TDRD9: variants seen among roughly 807,000 people sequenced by gnomAD.
The protein encoded by TDRD9 is tudor domain containing 9, also known as ATP-dependent RNA helicase TDRD9.
Under a neutral mutation model 172.6 loss-of-function variants are expected in TDRD9, and 124 were observed. The ratio of observed to expected loss-of-function variants is 0.72; its 90% CI spans 0.62 to 0.83. TDRD9 has a LOEUF of 0.83. TDRD9 is among the 40% of genes least tolerant of loss of function. The pLI, the probability that TDRD9 is intolerant of heterozygous loss-of-function variation, is 0.00. For synonymous variants in TDRD9, 619 were observed against 617.1 expected (o/e 1.00, Z -0.05); for missense variants, 1,479 against 1,714.1 (o/e 0.86, Z 2.42).
chr14:104,040,960 T>C (rs1420942666), intron 33 of TDRD9, among the ~76,000 whole-genome samples: 1 of 152,272 alleles, frequency 6.6e-6, no homozygotes, highest in African/African-American at 2.4e-5. Flanking sequence ...TAGTAATTTA[T>C]TTTTATTGCA....
In TDRD9 at chr14:104,031,200, A is replaced by G. The variant is rs2152251243; in HGVS notation, c.3375A>G (p.Lys1125=). 6.4e-7 allele frequency: 1 copy of G among 1,551,886 alleles called. No individual in the cohort carries two copies. Among genetic ancestry groups the G allele is most frequent in the Non-Finnish European group, 8.7e-7 (1 of 1,146,996 alleles). The change falls in exon 29 of 36, where the codon AAA becomes AAG. Residue 1125 remains lysine, a synonymous_variant. Coordinates refer to ENST00000409874, the MANE Select transcript of TDRD9 (RefSeq NM_153046.3). ...SVPFPMKDDE[K]YLIRILLESF... is the part of the protein sequence containing the mutation. ...CCTTTCCCATGAAAGACGACGAGAA[A>G]TATCTCATCCGGATTTTGTTAGAGA... is the stretch of plus-strand genomic sequence containing the variant.
At chr14:103,986,742 C>T (rs1034078573) in intron 8 of TDRD9, among the ~76,000 whole-genome samples, 3 of 152,176 alleles carry the variant, frequency 2.0e-5, no homozygotes, top group Non-Finnish European at 4.4e-5. Flanking sequence ...GATGTTCATT[C>T]ATTTAGCTGG....
chr14:103,986,339 G>T lies in TDRD9; in HGVS notation c.1115+19G>T. On this transcript the variant is annotated intron_variant, in intron 8 of 35. Transcript: ENST00000409874. ...AGAGTGGGTAAGAGATACTTCAGTT[G>T]GTAATGCACTTTAATGTATATGTGA... 1 of 1,525,912 alleles carries T rather than the reference G, an allele frequency of 6.6e-7. No homozygotes were observed. Among genetic ancestry groups the T allele is most frequent in the South Asian group, 1.2e-5 (1 of 85,308 alleles). The allele number at this position is 1,525,912 out of a possible 1,614,324, so 94.5% of individuals were successfully genotyped here.
chr14:104,003,280 T>G (rs933486747), intron 13 of TDRD9, among the ~76,000 whole-genome samples: 1 of 152,098 alleles, frequency 6.6e-6, no homozygotes, highest in African/African-American at 2.4e-5. Context: ...ATTTTTTATT[T>G]TTATTAGTAG....
chr14:103,966,803 T>A lies in TDRD9; in HGVS notation c.737T>A (p.Met246Lys), dbSNP rs982267637. 4.5e-6 allele frequency: 7 copies of A among 1,551,206 alleles called. No individual in the cohort carries two copies. In the South Asian group the frequency reaches 8.3e-5, roughly 18 times the overall value. The change falls in exon 5 of 36, where the codon ATG (methionine) becomes AAG (lysine). Residue 246 changes from methionine (M) to lysine (K), a missense_variant. Physicochemically the swap from Met to Lys is moderately conservative, Grantham distance 95 (BLOSUM62 -1). This residue lies in a region of TDRD9 where 1,413 missense variants were observed against 1,649.1 expected (regional missense o/e 0.86). Transcript: ENST00000409874. ...LQKIVSAKSL[M>K]EFTHIIIDEV... Reference sequence around the variant, plus strand: ...AAAATAGTTAGTGCCAAGAGTTTGATGGAATTCACACATATCATCATTGAT... The same window carrying A: ...AAAATAGTTAGTGCCAAGAGTTTGAAGGAATTCACACATATCATCATTGAT...
At chr14:104,005,758 C>T (rs919667449) in intron 15 of TDRD9, among the ~76,000 whole-genome samples, 3 of 152,168 alleles carry the variant, frequency 2.0e-5, no homozygotes, top group South Asian at 2.1e-4. Flanking sequence ...GGGCTGTGGA[C>T]GTTCTGCTTC....
chr14:104,039,618 G>A (rs1481434292), intron 32 of TDRD9, among the ~76,000 whole-genome samples: 1 of 152,238 alleles, frequency 6.6e-6, no homozygotes, highest in Non-Finnish European at 1.5e-5. Flanking sequence ...AATGGCAGTG[G>A]CTTGGACCAG....
At position 104,014,600 on chromosome 14, in the gene TDRD9, GC is replaced by G. The variant is rs199838781; in HGVS notation, c.2107-124del. 13 of 544,670 alleles carry G rather than the reference GC, an allele frequency of 2.4e-5. No individual in the cohort carries two copies. In the East Asian group the frequency reaches 4.1e-4, roughly 17 times the overall value. 33.7% of individuals were successfully genotyped at this position (544,670 alleles called of 1,614,324 possible). A position where few individuals can be genotyped will look rare whatever the true frequency, so the allele number is the denominator to read the frequency against. On this transcript the variant is annotated intron_variant, in intron 20 of 35. Transcript: ENST00000409874. Reference sequence around the variant, plus strand: ...ACAGCCAAAAGATGATTCTTAATTAGCTGCAGTGTTTCATTCTGTAGCTGTG... The same window carrying G: ...ACAGCCAAAAGATGATTCTTAATTAGTGCAGTGTTTCATTCTGTAGCTGTG...
In TDRD9 at chr14:104,006,051, A is replaced by T. The variant is rs1595976914; in HGVS notation, c.1714-338A>T. ...GTTAAGGAAGTTTTTCCCCATACATAGTTCAGTAAGGTTTTGTTGACAGTG... is the reference window on the plus strand; with the variant it reads ...GTTAAGGAAGTTTTTCCCCATACATTGTTCAGTAAGGTTTTGTTGACAGTG... On this transcript the variant is annotated intron_variant, in intron 15 of 35. Coordinates refer to ENST00000409874, the MANE Select transcript of TDRD9 (RefSeq NM_153046.3). Among the ~76,000 whole-genome samples, 4 of 152,242 alleles carry T rather than the reference A, an allele frequency of 2.6e-5. No individual in the cohort carries two copies. The South Asian group carries it at 8.3e-4, about 32-fold the overall frequency.
At chr14:103,966,961 T>C (rs1201075072) in intron 5 of TDRD9, 130 bp downstream of exon 5, 9 of 859,030 alleles carry the variant, frequency 1.0e-5, no homozygotes, top group Non-Finnish European at 1.5e-5. Context: ...CTTTCTGGAC[T>C]TTTCTCAGTA....
At chr14:103,941,524 C>T (rs531908180) in intron 1 of TDRD9, 1 of 1,535,296 alleles carries the variant, frequency 6.5e-7, no homozygotes, top group Non-Finnish European at 8.7e-7. Context: ...TAATCCACAC[C>T]TGTTTTTTTC....
intron 1 of TDRD9, chr14:103,942,028 G>C (rs1243243323): frequency 8.4e-6 from 2 of 239,400 alleles, no homozygotes; most frequent in Admixed American, 1.1e-4. Flanking sequence ...TATTAATGTC[G>C]GGGCAAGTGC....
intron 1 of TDRD9, chr14:103,941,283 C>T (rs2031213629): frequency 3.2e-6 from 3 of 945,332 alleles, no homozygotes; most frequent in African/African-American, 3.3e-5. Flanking sequence ...AATTGCTCAC[C>T]AGACATCTAC....
chr14:103,951,868 G>T (rs1010398592), intron 1 of TDRD9, among the ~76,000 whole-genome samples: 5 of 151,384 alleles, frequency 3.3e-5, no homozygotes, highest in East Asian at 2.0e-4. Context: ...CCGAGTTCAC[G>T]CCGTTCTCCT....
At chr14:104,011,096 C>G (rs1349394776) in intron 20 of TDRD9, among the ~76,000 whole-genome samples, 2 of 152,180 alleles carry the variant, frequency 1.3e-5, no homozygotes, top group African/African-American at 4.8e-5. Context: ...AGCTCTGTGA[C>G]GGTCTTATGG....
chr14:103,967,613 C>T (rs2032808099), intron 5 of TDRD9, among the ~76,000 whole-genome samples: 1 of 152,030 alleles, frequency 6.6e-6, no homozygotes, highest in African/African-American at 2.4e-5. Context: ...CATGGGATAA[C>T]GAATAATACA....
At chr14:104,041,891 T>C (rs1326502970) in intron 33 of TDRD9, among the ~76,000 whole-genome samples, 178 bp from the exon 34 acceptor site, 1 of 152,202 alleles carries the variant, frequency 6.6e-6, no homozygotes, top group Admixed American at 6.5e-5. Context: ...TGAATATCAA[T>C]TGCAGCTTGA....
At chr14:104,025,811 A>G (rs1448669676) in intron 26 of TDRD9, 35 bp downstream of exon 26, 3 of 1,511,806 alleles carry the variant, frequency 2.0e-6, no homozygotes, top group Admixed American at 3.4e-5. Flanking sequence ...TGGAAGGGAA[A>G]TGAGACAGAC....
In TDRD9 at chr14:103,975,291, G is replaced by A. The variant is rs149289280; in HGVS notation, c.847-98G>A. 1.4e-4 allele frequency: 159 copies of A among 1,137,216 alleles called. 3 individuals are homozygous for A. In the African/African-American group the frequency reaches 2.4e-3, roughly 17 times the overall value. 70.4% of individuals were successfully genotyped at this position (1,137,216 alleles called of 1,614,324 possible). On this transcript the variant is annotated intron_variant, in intron 6 of 35. Transcript: ENST00000409874. The stretch of plus-strand genomic sequence containing the variant: ...CTGTTTAAAGTCTCAAAAGTTGTTA[G>A]ATAAGGAGTGAAGCAGAAGAAAAGC...
Sources: gnomAD v4.1 joint callset for allele counts (sites outside exome capture counted in the v4.1 genomes callset) on GRCh38, gnomAD v4.1.1 for gene constraint, gnomAD v4.1.1 regional missense constraint, MANE v1.5 for transcripts, NCBI Gene and HGNC (gene_info 2026-07-23, HGNC 2026-07-21) for gene names.